GREB1: variants seen among roughly 807,000 people sequenced by gnomAD.
The protein encoded by GREB1 is growth regulating estrogen receptor binding 1, also known as protein GREB1.
In GREB1, 106 loss-of-function variants were observed where a neutral mutation model predicts 200.7. That is an observed-to-expected ratio of 0.53 (90% CI 0.45 to 0.62). GREB1 has a LOEUF of 0.62. Among genes scored for constraint, GREB1 ranks in the 20% least tolerant of loss-of-function variants. The pLI, the probability that GREB1 is intolerant of heterozygous loss-of-function variation, is 0.00. For synonymous variants in GREB1, 1,132 were observed against 1,092.4 expected (o/e 1.04, Z -0.72); for missense variants, 2,243 against 2,556.8 (o/e 0.88, Z 2.65).
chr2:11,597,090 A>G lies in GREB1; in HGVS notation c.1955-691A>G, dbSNP rs1681339202. Among the ~76,000 whole-genome samples the G allele has an allele frequency of 6.6e-6, 1 of 151,260 alleles. No homozygotes were observed. Among genetic ancestry groups the G allele is most frequent in the Admixed American group, 6.6e-5 (1 of 15,228 alleles). ...GCACAGGTGTGCTAAGTGGGTGCTG[A>G]GGGGACAGAGGGCTCATGTGTGCTC... On this transcript the variant is annotated intron_variant, in intron 13 of 32. Transcript: ENST00000381486. The surrounding 1 kb of genome is among the most constrained non-coding windows in gnomAD (Gnocchi z 4.1).
chr2:11,563,643 C>T (rs188550295), intron 3 of GREB1, among the ~76,000 whole-genome samples: 1 of 152,336 alleles, frequency 6.6e-6, no homozygotes, highest in Non-Finnish European at 1.5e-5. Flanking sequence ...CCAATCACTG[C>T]ATCTCTCTGA....
chr2:11,588,526 G>T (rs1305744859), intron 9 of GREB1: 2 of 609,828 alleles, frequency 3.3e-6, no homozygotes, highest in Non-Finnish European at 6.0e-6. Context: ...CCAGCAAGTG[G>T]CACAGCCCCA....
intron 1 of GREB1, among the ~76,000 whole-genome samples, chr2:11,486,145 A>G (rs1342079203): frequency 6.6e-6 from 1 of 152,204 alleles, no homozygotes; most frequent in Non-Finnish European, 1.5e-5. Flanking sequence ...TGGGCAGTTC[A>G]TAGAACTCTG....
At chr2:11,510,085 A>G (rs1022921393) in intron 1 of GREB1, among the ~76,000 whole-genome samples, 1 of 152,150 alleles carries the variant, frequency 6.6e-6, no homozygotes, top group Non-Finnish European at 1.5e-5. Context: ...ATTTGTTGAA[A>G]ACATCCAGTC....
At chr2:11,539,303 G>A (rs1476269783) in intron 1 of GREB1, among the ~76,000 whole-genome samples, 1 of 150,504 alleles carries the variant, frequency 6.6e-6, no homozygotes, top group Non-Finnish European at 1.5e-5. Context: ...CTCCCATCTC[G>A]GCCTCCCACA....
rs1179917325 is a variant in GREB1 at position 11,548,912 on chromosome 2, C to T, written c.-161-7542C>T. The stretch of plus-strand genomic sequence containing the variant: ...GAGTATTCTAGGTAGGGAAAATTTT[C>T]CCTTAAAATTTTCCGGGCATTATTT... On this transcript the variant is annotated intron_variant, in intron 1 of 32. Transcript: ENST00000381486. The surrounding 1 kb of genome is among the most constrained non-coding windows in gnomAD (Gnocchi z 5.1). Among the ~76,000 whole-genome samples the T allele has an allele frequency of 6.6e-6, 1 of 152,130 alleles. No individual in the cohort carries two copies. The highest frequency in any genetic ancestry group is 2.4e-5 in the African/African-American group (1 of 41,440).
At chr2:11,516,069 G>A (rs930360451) in intron 1 of GREB1, among the ~76,000 whole-genome samples, 7 of 150,830 alleles carry the variant, frequency 4.6e-5, no homozygotes, top group South Asian at 2.1e-4. Flanking sequence ...CCTCTGTGGC[G>A]GGACATGGTG....
chr2:11,638,489 A>T (rs1685562070), intron 31 of GREB1, among the ~76,000 whole-genome samples, 182 bp from the exon 32 acceptor site: 1 of 152,206 alleles, frequency 6.6e-6, no homozygotes, highest in African/African-American at 2.4e-5. Context: ...AATCTGGATA[A>T]AACTTCCAGA....
At chr2:11,610,335 G>C (rs1682806614) in intron 17 of GREB1, among the ~76,000 whole-genome samples, 1 of 152,210 alleles carries the variant, frequency 6.6e-6, no homozygotes, top group Non-Finnish European at 1.5e-5. Context: ...CCCCTCCTCA[G>C]AGAGCTGCAC....
intron 9 of GREB1, chr2:11,588,071 C>G: frequency 1.8e-6 from 1 of 557,098 alleles, no homozygotes; most frequent in Non-Finnish European, 2.3e-6. Flanking sequence ...ACTAAAAATA[C>G]AAAAATTGGC....
chr2:11,616,106 A>G (rs1209667490), intron 20 of GREB1, among the ~76,000 whole-genome samples: 1 of 152,106 alleles, frequency 6.6e-6, no homozygotes, highest in Non-Finnish European at 1.5e-5. Context: ...GCATCTCAGG[A>G]CCCCCTTCTT....
intron 3 of GREB1, chr2:11,563,222 C>G (rs938128211): frequency 1.3e-5 from 2 of 152,332 alleles, no homozygotes. Context: ...ATCCACCCAC[C>G]TCAGCCTCCC....
At chr2:11,552,970 A>C (rs1367561365) in intron 1 of GREB1, among the ~76,000 whole-genome samples, 1 of 145,152 alleles carries the variant, frequency 6.9e-6, no homozygotes, top group African/African-American at 2.7e-5. Context: ...AGATCGCGCC[A>C]CTGCACTCCA....
chr2:11,536,322 C>T (rs951397193), intron 1 of GREB1, among the ~76,000 whole-genome samples: 24 of 152,224 alleles, frequency 1.6e-4, no homozygotes, highest in African/African-American at 4.6e-4. Flanking sequence ...GCAGCACCAA[C>T]CCCGCATGAT....
rs762972306 is a variant in GREB1, at chr2:11,621,025, G to A, written c.4147+18G>A. On this transcript the variant is annotated intron_variant, in intron 23 of 32. Transcript: ENST00000381486. ...CAATATCAGTGAGTTATCTGTTTGGGGTTATGTGGGCTTGGAGCCACCTTC... is the reference window on the plus strand; with the variant it reads ...CAATATCAGTGAGTTATCTGTTTGGAGTTATGTGGGCTTGGAGCCACCTTC... The A allele has an allele frequency of 9.2e-6, 13 of 1,406,720 alleles. No homozygotes were observed. The East Asian group carries it at 2.3e-4, about 25-fold the overall frequency. The allele number at this position is 1,406,720 out of a possible 1,614,324, so 87.1% of individuals were successfully genotyped here.
chr2:11,638,539 T>C, intron 31 of GREB1, 132 bp from the exon 32 acceptor site: 1 of 667,342 alleles, frequency 1.5e-6, no homozygotes, highest in South Asian at 2.2e-5. Flanking sequence ...AACATGAAAA[T>C]ATTGTCTCTG....
At chr2:11,502,469 GC>G (rs1178568327) in intron 1 of GREB1, among the ~76,000 whole-genome samples, 1 of 151,156 alleles carries the variant, frequency 6.6e-6, no homozygotes, top group Non-Finnish European at 1.5e-5. Context: ...GGATCTGCCT[GC>G]TTTGGCCTCC....
intron 13 of GREB1, 129 bp downstream of exon 13, chr2:11,596,368 G>A: frequency 1.3e-5 from 8 of 618,520 alleles, no homozygotes; most frequent in Admixed American, 2.9e-5. Flanking sequence ...GGGGGCAGGG[G>A]CACAGATGTG....
chr2:11,617,256 A>G (rs1318160810), intron 21 of GREB1, among the ~76,000 whole-genome samples: 1 of 152,188 alleles, frequency 6.6e-6, no homozygotes, highest in Non-Finnish European at 1.5e-5. Flanking sequence ...TGTCTCCGAG[A>G]GTAGTCAGGA....
Sources: allele counts gnomAD v4.1 joint callset (sites outside exome capture counted in the v4.1 genomes callset), GRCh38; gene constraint gnomAD v4.1.1; non-coding constraint Gnocchi (gnomAD v3.1); transcripts MANE v1.5; gene names NCBI Gene and HGNC (gene_info 2026-07-23, HGNC 2026-07-21).